The following GRM8 variants were observed in gnomAD, a reference collection of about 807,000 sequenced individuals.
GRM8 encodes metabotropic glutamate receptor 8.
GRM8 carries 47 observed loss-of-function variants against 87.2 expected under a neutral mutation model. The observed-to-expected ratio is 0.54, with a 90% CI of 0.43 to 0.69. The LOEUF (loss-of-function observed/expected upper bound fraction) is 0.69, where lower values mean the gene tolerates loss of function less well. Ranked by LOEUF, GRM8 falls within the 30% of genes least tolerant of loss-of-function variation. GRM8 has a pLI of 0.00. For missense variants in GRM8, 1,019 were observed against 1,139.2 expected (o/e 0.89, Z 1.52); for synonymous variants, 396 against 404.5 (o/e 0.98, Z 0.25).
intron 7 of GRM8, among the ~76,000 whole-genome samples, chr7:126,617,395 T>C (rs991954615): frequency 1.1e-4 from 16 of 152,116 alleles, no homozygotes; most frequent in Non-Finnish European, 1.8e-4. Flanking sequence ...TAAGAGCTAT[T>C]TATGACAAAC....
intron 9 of GRM8, among the ~76,000 whole-genome samples, chr7:126,466,208 T>A (rs1804487526): frequency 6.6e-6 from 1 of 151,834 alleles, no homozygotes; most frequent in Admixed American, 6.6e-5. Context: ...AAGAATGTAA[T>A]GGTTCCATTA....
intron 6 of GRM8, among the ~76,000 whole-genome samples, chr7:126,804,266 T>C (rs188063658): frequency 1.3e-5 from 2 of 152,236 alleles, no homozygotes; most frequent in Admixed American, 1.3e-4. Flanking sequence ...AGGAAAGCTC[T>C]TACTTAGCAG....
chr7:126,507,797 TGGCCCTAAATACCCCCTAA>T (rs1333561592), intron 9 of GRM8, among the ~76,000 whole-genome samples: 34 of 152,056 alleles, frequency 2.2e-4, no homozygotes, highest in Non-Finnish European at 4.3e-4. Context: ...TAGAGCAACT[TGGCCCTAAATACCCCCTAA>T]CACCTCATCT....
chr7:127,043,280 A>G (rs1262881874), intron 3 of GRM8, among the ~76,000 whole-genome samples: 1 of 152,206 alleles, frequency 6.6e-6, no homozygotes, highest in African/African-American at 2.4e-5. Flanking sequence ...TACCCAAAGG[A>G]TTATAAATCA....
At chr7:126,924,578 CTTTCTTTCCTTCCTCCT>C (rs915009258) in intron 3 of GRM8, among the ~76,000 whole-genome samples, 9 of 152,238 alleles carry the variant, frequency 5.9e-5, no homozygotes, top group Non-Finnish European at 1.3e-4. Flanking sequence ...TTTTGCTTTT[CTTTCTTTCCTTCCTCCT>C]TTTCTTTCCT....
At position 127,004,679 on chromosome 7, in the gene GRM8, C is replaced by T. The variant is rs1037156396; in HGVS notation, c.728-99996G>A. On this transcript the variant is annotated intron_variant, in intron 3 of 10. Coordinates refer to ENST00000339582, the MANE Select transcript of GRM8 (RefSeq NM_000845.3). ...AAGAAAAATAACTTGGCTATCAGTT[C>T]TTGCTATCCATCCTTTTACCTATAC... 2.0e-5 allele frequency among the ~76,000 whole-genome samples: 3 copies of T among 151,728 alleles called. 1 individual carries two copies. The South Asian group carries it at 6.2e-4, about 31-fold the overall frequency.
intron 9 of GRM8, among the ~76,000 whole-genome samples, chr7:126,453,518 G>T (rs1363913378): frequency 6.6e-6 from 1 of 151,642 alleles, no homozygotes; most frequent in Admixed American, 6.6e-5. Context: ...GATTGGGAGA[G>T]GTGGAAACTA....
intron 3 of GRM8, among the ~76,000 whole-genome samples, chr7:126,974,317 C>T (rs985526404): frequency 2.0e-4 from 31 of 152,092 alleles, no homozygotes; most frequent in African/African-American, 5.8e-4. Context: ...TGGGCATTTG[C>T]GTTAAATAAG....
At chr7:126,761,496 T>TG (rs577183199) in intron 7 of GRM8, among the ~76,000 whole-genome samples, 77 of 152,304 alleles carry the variant, frequency 5.1e-4, no homozygotes, top group Middle Eastern at 3.4e-3. Flanking sequence ...TTGTGACTAC[T>TG]GGAACTATCT....
At chr7:126,655,685 A>T (rs1405165252) in intron 7 of GRM8, among the ~76,000 whole-genome samples, 1 of 152,268 alleles carries the variant, frequency 6.6e-6, no homozygotes, top group African/African-American at 2.4e-5. Flanking sequence ...AGGCATCTGA[A>T]TCAGTATTAT....
At chr7:126,649,705 C>T (rs1803579721) in intron 7 of GRM8, among the ~76,000 whole-genome samples, 1 of 152,066 alleles carries the variant, frequency 6.6e-6, no homozygotes, top group South Asian at 2.1e-4. Flanking sequence ...CCTAATGGGC[C>T]TATTTGATTT....
chr7:126,455,479 T>C (rs1803125217), intron 9 of GRM8, among the ~76,000 whole-genome samples: 1 of 151,706 alleles, frequency 6.6e-6, no homozygotes, highest in Non-Finnish European at 1.5e-5. Context: ...CTTCAATTAA[T>C]ATTTAGTTGT....
chr7:127,246,211 T>A (rs1345857267), intron 1 of GRM8, among the ~76,000 whole-genome samples: 1 of 152,258 alleles, frequency 6.6e-6, no homozygotes, highest in Non-Finnish European at 1.5e-5. Context: ...TTAGGTTTCA[T>A]TGTATAATCT....
chr7:127,127,944 TTC>T (rs1430909079), intron 2 of GRM8, among the ~76,000 whole-genome samples: 1 of 152,092 alleles, frequency 6.6e-6, no homozygotes, highest in Non-Finnish European at 1.5e-5. Flanking sequence ...AATCACTATA[TTC>T]TGTTTACCTT....
At chr7:126,577,895 C>T (rs1319346100) in intron 8 of GRM8, among the ~76,000 whole-genome samples, 2 of 151,976 alleles carry the variant, frequency 1.3e-5, no homozygotes, top group Non-Finnish European at 2.9e-5. Flanking sequence ...TTTCTTCTTT[C>T]ATAACTCTTA....
intron 3 of GRM8, among the ~76,000 whole-genome samples, chr7:126,955,054 T>C (rs1808534453): frequency 6.6e-6 from 1 of 152,180 alleles, no homozygotes; most frequent in Non-Finnish European, 1.5e-5. Context: ...CATTTCATTT[T>C]TCATTTCAAT....
chr7:126,700,556 T>C (rs191335274), intron 7 of GRM8, among the ~76,000 whole-genome samples: 123 of 152,250 alleles, frequency 8.1e-4, no homozygotes, highest in African/African-American at 2.9e-3. Flanking sequence ...CTAAAATAAA[T>C]GTTATTATAA....
chr7:126,716,656 T>C (rs1029770198), intron 7 of GRM8, among the ~76,000 whole-genome samples: 4 of 152,212 alleles, frequency 2.6e-5, no homozygotes, highest in African/African-American at 9.6e-5. Context: ...GTGTATTCTA[T>C]GTGTGCCTGT....
intron 3 of GRM8, among the ~76,000 whole-genome samples, chr7:126,949,970 C>T (rs1807959333): frequency 1.3e-5 from 2 of 152,150 alleles, no homozygotes; most frequent in Non-Finnish European, 1.5e-5. Flanking sequence ...AGATCAAAGA[C>T]GTGGGTTTGA....
Sources: allele counts gnomAD v4.1 joint callset (sites outside exome capture counted in the v4.1 genomes callset), GRCh38; gene constraint gnomAD v4.1.1; transcripts MANE v1.5; gene names NCBI Gene and HGNC (gene_info 2026-07-23, HGNC 2026-07-21).